COL15A1: variants seen among roughly 807,000 people sequenced by gnomAD.
COL15A1 encodes the protein collagen alpha-1(XV) chain.
A neutral mutation model predicts 165.9 loss-of-function variants in COL15A1; 111 were observed. That is an observed-to-expected ratio of 0.67 (90% confidence interval 0.57 to 0.78). The LOEUF (loss-of-function observed/expected upper bound fraction) is 0.78, where lower values mean the gene tolerates loss of function less well. Among genes scored for constraint, COL15A1 ranks in the 30% least tolerant of loss-of-function variants. The pLI, the probability that COL15A1 is intolerant of heterozygous loss-of-function variation, is 0.00. For missense variants in COL15A1, 1,745 were observed against 1,789.7 expected (o/e 0.98, Z 0.45); for synonymous variants, 659 against 674.8 (o/e 0.98, Z 0.36).
At chr9:98,997,138 T>A (rs1241281070) in intron 6 of COL15A1, 57 bp downstream of exon 6, 4 of 1,600,156 alleles carry the variant, frequency 2.5e-6, no homozygotes, top group Non-Finnish European at 3.4e-6. Context: ...TTACTATGTG[T>A]CCAGCCGGGG....
At chr9:99,036,086 C>A in intron 19 of COL15A1, 84 bp from the exon 20 acceptor site, 1 of 1,159,082 alleles carries the variant, frequency 8.6e-7, no homozygotes, top group Non-Finnish European at 1.3e-6. Flanking sequence ...AGCATAAAAG[C>A]TTAGGGGGAG....
Position 99,036,358 on chromosome 9 carries a change from C to G in COL15A1, c.2371C>G (p.Pro791Ala). ...DGASIVGPPGPRGPPGHIKVL... is the reference protein window; with the variant it reads ...DGASIVGPPGARGPPGHIKVL... Reference sequence around the variant, plus strand: ...AGCCAGTATTGTGGGACCCCCTGGGCCGAGAGGGCCACCTGGGCACATCAA... The same window carrying G: ...AGCCAGTATTGTGGGACCCCCTGGGGCGAGAGGGCCACCTGGGCACATCAA... The change falls in exon 21 of 42, where the codon CCG becomes GCG. Residue 791 changes from proline (P) to alanine (A), a missense_variant. Pro to Ala is a conservative substitution (Grantham distance 27). Transcript: ENST00000375001. 3 of 1,614,134 alleles carry G rather than the reference C, an allele frequency of 1.9e-6. No individual in the cohort carries two copies. The highest frequency in any genetic ancestry group is 2.5e-6 in the Non-Finnish European group (3 of 1,180,020).
chr9:99,005,181 T>G, intron 9 of COL15A1, 131 bp downstream of exon 9: 1 of 966,752 alleles, frequency 1.0e-6, no homozygotes, highest in Non-Finnish European at 1.5e-6. Flanking sequence ...AAATACTCAC[T>G]TGGGGGTGGA....
At chr9:98,957,663 TTC>T (rs148586804) in intron 2 of COL15A1, among the ~76,000 whole-genome samples, 35 of 149,724 alleles carry the variant, frequency 2.3e-4, no homozygotes, top group African/African-American at 3.9e-4. Context: ...CTAGGGTTAT[TTC>T]TCTCTCTCTC....
At chr9:99,026,060 C>A in intron 16 of COL15A1, 94 bp downstream of exon 16, 1 of 1,202,370 alleles carries the variant, frequency 8.3e-7, no homozygotes, top group Non-Finnish European at 1.2e-6. Flanking sequence ...TCTTATGTGA[C>A]TGACCCCCTG....
chr9:99,005,955 T>G (rs1838755688), intron 9 of COL15A1, among the ~76,000 whole-genome samples: 1 of 152,228 alleles, frequency 6.6e-6, no homozygotes, highest in South Asian at 2.1e-4. Context: ...CTAGCCTTGC[T>G]GACCACCTCT....
rs775665306 is a variant in COL15A1 at position 98,944,021 on chromosome 9, C to T, written c.-41C>T. On this transcript the variant is annotated 5_prime_UTR_variant, in exon 1 of 42. Coordinates refer to ENST00000375001, the MANE Select transcript of COL15A1 (RefSeq NM_001855.5). ...CTCCGCTAAGCTCCAACGCTCTGCT[C>T]GACTAGCCGCGCGCCTTCCGGGGCT... The T allele has an allele frequency of 2.5e-6, 4 of 1,613,254 alleles. No homozygotes were observed. The highest frequency in any genetic ancestry group is 2.2e-5 in the East Asian group (1 of 44,862).
chr9:99,053,180 C>T (rs1839619045), intron 31 of COL15A1, among the ~76,000 whole-genome samples: 1 of 152,236 alleles, frequency 6.6e-6, no homozygotes, highest in South Asian at 2.1e-4. Context: ...TCCTCACACA[C>T]CCTGTCACGC....
chr9:98,984,122 A>C (rs1838271726), intron 2 of COL15A1, among the ~76,000 whole-genome samples: 1 of 151,936 alleles, frequency 6.6e-6, no homozygotes, highest in Admixed American at 6.5e-5. Context: ...TCTGATCCTC[A>C]CTCATTCCAG....
intron 35 of COL15A1, among the ~76,000 whole-genome samples, chr9:99,058,995 G>C (rs1489470136): frequency 6.6e-6 from 1 of 152,180 alleles, no homozygotes; most frequent in Non-Finnish European, 1.5e-5. Flanking sequence ...AGCAGAGGAT[G>C]AGAGAGGTAG....
In COL15A1 at chr9:98,985,567, A is replaced by G. The variant is rs779152552; in HGVS notation, c.103A>G (p.Thr35Ala). Residue 35 changes from threonine to alanine, a missense_variant and splice_region_variant, in exon 3 of 42, where the codon ACT becomes GCT. Thr to Ala is a moderately conservative substitution (Grantham distance 58). Coordinates refer to ENST00000375001, the MANE Select transcript of COL15A1 (RefSeq NM_001855.5). ...GGCCTCTCTCTCCCTCCCTGCAGAG[A>G]CTGCTTCCCAGGGTCACCTGGACCT... The part of the protein sequence containing the change: ...AVTQTRGATE[T>A]ASQGHLDLTQ... 5.6e-6 allele frequency: 9 copies of G among 1,610,586 alleles called. No homozygotes were observed. The Admixed American group carries it at 1.3e-4, about 24-fold the overall frequency.
chr9:99,017,629 T>C (rs762836017), intron 11 of COL15A1, among the ~76,000 whole-genome samples: 5 of 152,152 alleles, frequency 3.3e-5, no homozygotes, highest in Non-Finnish European at 5.9e-5. Context: ...GGGCTGGGGC[T>C]TTGGGCTTGC....
intron 5 of COL15A1, 50 bp from the exon 6 acceptor site, chr9:98,996,884 T>C (rs1340664267): frequency 6.2e-7 from 1 of 1,603,384 alleles, no homozygotes; most frequent in Middle Eastern, 1.7e-4. Flanking sequence ...TCATTTCTTC[T>C]GCTTTACTGC....
chr9:98,987,236 C>A, intron 3 of COL15A1, 58 bp from the exon 4 acceptor site: 1 of 1,493,548 alleles, frequency 6.7e-7, no homozygotes, highest in Non-Finnish European at 9.3e-7. Flanking sequence ...ATGTCTTCCA[C>A]TGGCAGTCAT....
chr9:99,023,413 C>A lies in COL15A1; in HGVS notation c.1818C>A (p.Gly606=). 1.3e-6 allele frequency: 2 copies of A among 1,560,010 alleles called. No individual in the cohort carries two copies. Among genetic ancestry groups the A allele is most frequent in the Non-Finnish European group, 1.8e-6 (2 of 1,131,660 alleles). ...GLGWGSDVGS[G]SGDLVGSEQL... ...GCTGGGGCTCGGACGTCGGCTCTGG[C>A]TCTGGTGACCTGGTGGGCAGTGAGC... The change falls in exon 14 of 42, where the codon GGC becomes GGA. Residue 606 remains glycine, a synonymous_variant. Transcript: ENST00000375001.
rs193043462 is a variant in COL15A1 at position 99,035,315 on chromosome 9, T to G, written c.2221-35T>G. Reference sequence around the variant, plus strand: ...CTGGCACAAGTAGGTGCCCAGGAACTGGATCTGAAATTCTCATTCTTGCTC... The same window carrying G: ...CTGGCACAAGTAGGTGCCCAGGAACGGGATCTGAAATTCTCATTCTTGCTC... On this transcript the variant is annotated intron_variant, in intron 18 of 41. Coordinates refer to ENST00000375001, the MANE Select transcript of COL15A1 (RefSeq NM_001855.5). The G allele has an allele frequency of 1.1e-4, 180 of 1,614,160 alleles. 1 individual carries two copies. In the African/African-American group the frequency reaches 1.9e-3, roughly 17 times the overall value.
chr9:99,049,780 A>G, intron 29 of COL15A1, 22 bp downstream of exon 29: 1 of 1,614,140 alleles, frequency 6.2e-7, no homozygotes, highest in Non-Finnish European at 8.5e-7. Context: ...CGCAGTGGGA[A>G]GACCTTCCCG....
intron 36 of COL15A1, 40 bp downstream of exon 36, chr9:99,059,993 G>T: frequency 1.2e-6 from 2 of 1,603,008 alleles, no homozygotes; most frequent in South Asian, 1.1e-5. Context: ...ATTCCATTTG[G>T]GATAGATATA....
At chr9:99,037,095 C>CA (rs1052612145) in intron 21 of COL15A1, among the ~76,000 whole-genome samples, 7 of 152,178 alleles carry the variant, frequency 4.6e-5, no homozygotes, top group Non-Finnish European at 1.0e-4. Context: ...ACCCATTCTC[C>CA]AAAATCCCAC....
Sources: allele counts gnomAD v4.1 joint callset (sites outside exome capture counted in the v4.1 genomes callset), GRCh38; gene constraint gnomAD v4.1.1; transcripts MANE v1.5; gene names NCBI Gene and HGNC (gene_info 2026-07-23, HGNC 2026-07-21).